Variants in CREB5 observed in about 807,000 individuals in gnomAD.
The protein encoded by CREB5 is cAMP responsive element binding protein 5, also known as cyclic AMP-responsive element-binding protein 5.
Under a neutral mutation model 57.1 loss-of-function variants are expected in CREB5, and 19 were observed. The observed-to-expected ratio is 0.33, with a 90% confidence interval of 0.23 to 0.49. The LOEUF (loss-of-function observed/expected upper bound fraction) is 0.49, where lower values mean the gene tolerates loss of function less well. CREB5 is among the 20% of genes least tolerant of loss of function. The pLI is 0.99. For synonymous variants in CREB5, 238 were observed against 238.3 expected (o/e 1.00, Z 0.01); for missense variants, 579 against 671.6 (o/e 0.86, Z 1.52).
chr7:28,461,699 T>A (rs1790356523), intron 1 of CREB5, among the ~76,000 whole-genome samples: 2 of 152,176 alleles, frequency 1.3e-5, no homozygotes, highest in Non-Finnish European at 2.9e-5. Context: ...GTAAAACGAT[T>A]TCGTGAATGT....
chr7:28,410,763 G>A, upstream of CREB5: 1 of 356,224 alleles, frequency 2.8e-6, no homozygotes, highest in Non-Finnish European at 5.5e-6. Context: ...ACGTCATTCT[G>A]CAGGCCAGTA....
chr7:28,553,893 G>A (rs28563812), intron 4 of CREB5, among the ~76,000 whole-genome samples: 54,084 of 151,958 alleles, frequency 0.36, 9,984 homozygotes, highest in Middle Eastern at 0.4. Flanking sequence ...TTGGCTGATG[G>A]GAGGTTGAGA....
intron 5 of CREB5, among the ~76,000 whole-genome samples, chr7:28,679,512 A>G (rs1379129078): frequency 2.0e-5 from 3 of 152,180 alleles, no homozygotes; most frequent in Non-Finnish European, 2.9e-5. Flanking sequence ...CCAGGTGAGC[A>G]GTGTAAGGCC....
chr7:28,400,659 A>T (rs1423412325), intron 1 of CREB5, among the ~76,000 whole-genome samples: 2 of 152,344 alleles, frequency 1.3e-5, no homozygotes, highest in African/African-American at 4.8e-5. Context: ...TGAAGTTCAG[A>T]GTAACTTCCC....
At chr7:28,393,211 A>G (rs1787258964) in intron 1 of CREB5, among the ~76,000 whole-genome samples, 1 of 152,246 alleles carries the variant, frequency 6.6e-6, no homozygotes, top group Non-Finnish European at 1.5e-5. Flanking sequence ...TATAGGCGTG[A>G]GCCACCATAT....
Position 28,663,250 on chromosome 7 carries a change from G to A in CREB5, c.465-55503G>A, listed in dbSNP as rs951791100. On this transcript the variant is annotated intron_variant, in intron 5 of 10. Coordinates refer to ENST00000357727, the MANE Select transcript of CREB5 (RefSeq NM_182898.4). ...GACAGGGTCTCACTCTGTCACCCAGGCTGGAGTGTAGTGGAGTGATCTCAG... is the reference window on the plus strand; with the variant it reads ...GACAGGGTCTCACTCTGTCACCCAGACTGGAGTGTAGTGGAGTGATCTCAG... Among the ~76,000 whole-genome samples the A allele has an allele frequency of 7.9e-5, 12 of 151,982 alleles. No individual in the cohort carries two copies. The South Asian group carries it at 1.9e-3, about 24-fold the overall frequency.
In CREB5 at chr7:28,338,618, C is replaced by G. The variant is rs113494898; in HGVS notation, c.-25+39177C>G. Reference sequence around the variant, plus strand: ...AGGTAGTCTTTTTTGGATTAAATCTCCTTGGTGTTCTATAACCTCTTGAAT... The same window carrying G: ...AGGTAGTCTTTTTTGGATTAAATCTGCTTGGTGTTCTATAACCTCTTGAAT... On this transcript the variant is annotated intron_variant, in intron 1 of 9. Transcript: ENST00000396299. 6.3e-3 allele frequency among the ~76,000 whole-genome samples: 963 copies of G among 152,102 alleles called. 5 individuals carry two copies. The highest frequency in any genetic ancestry group is 0.022 in the African/African-American group (910 of 41,500).
In CREB5 at chr7:28,738,782, C is replaced by A. The variant is rs140768787; in HGVS notation, c.702+14450C>A. 2.0e-4 allele frequency among the ~76,000 whole-genome samples: 31 copies of A among 152,314 alleles called. 2 individuals carry two copies. The East Asian group carries it at 2.5e-3, about 12-fold the overall frequency. On this transcript the variant is annotated intron_variant, in intron 7 of 10. Coordinates refer to ENST00000357727, the MANE Select transcript of CREB5 (RefSeq NM_182898.4). Reference sequence around the variant, plus strand: ...GATAATTTGTCACATCACCACCATTCATCTCTTAGTTCCCAGCTCACTGTT... The same window carrying A: ...GATAATTTGTCACATCACCACCATTAATCTCTTAGTTCCCAGCTCACTGTT...
At chr7:28,307,976 G>A (rs1785217684) in intron 1 of CREB5, among the ~76,000 whole-genome samples, 1 of 152,238 alleles carries the variant, frequency 6.6e-6, no homozygotes, top group African/African-American at 2.4e-5. Flanking sequence ...AAGGAGGGCT[G>A]CTCCAGGCAT....
intron 1 of CREB5, among the ~76,000 whole-genome samples, chr7:28,353,176 G>A (rs764299246): frequency 2.4e-4 from 36 of 151,994 alleles, no homozygotes; most frequent in Admixed American, 1.2e-3. Flanking sequence ...TGCAACCTGC[G>A]CCTCCCAGGT....
intron 5 of CREB5, among the ~76,000 whole-genome samples, chr7:28,688,989 G>A (rs542711224): frequency 7.2e-5 from 11 of 152,208 alleles, no homozygotes; most frequent in Non-Finnish European, 8.8e-5. Context: ...TCTCCATGCC[G>A]GCTGTGATAC....
At chr7:28,801,958 G>A (rs370916713) in intron 7 of CREB5, among the ~76,000 whole-genome samples, 2 of 151,448 alleles carry the variant, frequency 1.3e-5, no homozygotes, top group South Asian at 2.1e-4. Flanking sequence ...GGTGGCACAC[G>A]CCTGTAGTCC....
intron 5 of CREB5, among the ~76,000 whole-genome samples, chr7:28,658,822 CT>C (rs1254935944): frequency 6.6e-6 from 1 of 151,430 alleles, no homozygotes; most frequent in Non-Finnish European, 1.5e-5. Flanking sequence ...CAATAGCAGC[CT>C]CCTGTTGTAG....
chr7:28,592,272 C>T (rs1796547943), intron 5 of CREB5, among the ~76,000 whole-genome samples: 1 of 152,128 alleles, frequency 6.6e-6, no homozygotes, highest in South Asian at 2.1e-4. Flanking sequence ...TAACACAAAA[C>T]CAGAGCAGCA....
chr7:28,407,905 T>C (rs1260514981), upstream of CREB5, among the ~76,000 whole-genome samples: 7 of 152,198 alleles, frequency 4.6e-5, no homozygotes, highest in Non-Finnish European at 1.0e-4. Flanking sequence ...TGTGATGCAT[T>C]GGGATGAGAG....
At chr7:28,678,226 A>G (rs942296619) in intron 5 of CREB5, among the ~76,000 whole-genome samples, 2 of 151,966 alleles carry the variant, frequency 1.3e-5, no homozygotes, top group African/African-American at 2.4e-5. Context: ...CGTCCCTACT[A>G]AGAATGCAAA....
chr7:28,666,110 A>T (rs190570019), intron 5 of CREB5, among the ~76,000 whole-genome samples: 31 of 150,732 alleles, frequency 2.1e-4, no homozygotes, highest in Admixed American at 4.0e-4. Context: ...AGCGATTGCC[A>T]AAAGTTTGGA....
intron 5 of CREB5, among the ~76,000 whole-genome samples, chr7:28,575,832 C>T (rs991635660): frequency 5.9e-5 from 9 of 152,124 alleles, no homozygotes; most frequent in East Asian, 3.9e-4. Flanking sequence ...ATATGGCTCC[C>T]GTTAAATCCC....
chr7:28,560,295 C>T (rs563899031), intron 4 of CREB5, among the ~76,000 whole-genome samples: 9 of 152,142 alleles, frequency 5.9e-5, no homozygotes, highest in South Asian at 2.1e-4. Flanking sequence ...TCACTAGTTG[C>T]GTAATGAATA....
Sources: allele counts gnomAD v4.1 joint callset (sites outside exome capture counted in the v4.1 genomes callset), GRCh38; gene constraint gnomAD v4.1.1; transcripts MANE v1.5; gene names NCBI Gene and HGNC (gene_info 2026-07-23, HGNC 2026-07-21).